Variants in VPS13D observed in about 807,000 individuals in gnomAD.
VPS13D encodes intermembrane lipid transfer protein VPS13D.
Under a neutral mutation model 461.9 loss-of-function variants are expected in VPS13D, and 187 were observed. The ratio of observed to expected loss-of-function variants is 0.40; its 90% CI spans 0.36 to 0.46. The LOEUF (loss-of-function observed/expected upper bound fraction) is 0.46. VPS13D is among the 20% of genes least tolerant of loss of function. The probability of loss-of-function intolerance (pLI) is 0.60; values close to 1 mark genes in which losing one functional copy is unlikely to be tolerated. For synonymous variants in VPS13D, 1,951 were observed against 1,986.3 expected, an observed-to-expected ratio of 0.98 and a Z score of 0.47; for missense variants, 4,711 against 5,364.9, an observed-to-expected ratio of 0.88 and a Z score of 3.81.
intron 65 of VPS13D, among the ~76,000 whole-genome samples, chr1:12,423,497 T>G (rs1644887854): frequency 6.6e-6 from 1 of 152,230 alleles, no homozygotes; most frequent in African/African-American, 2.4e-5. Context: ...ATAAGCAAGT[T>G]GAGACCGAGA....
chr1:12,333,200 A>C (rs374358337), intron 37 of VPS13D, 26 bp from the exon 38 acceptor site: 5 of 1,610,864 alleles, frequency 3.1e-6, no homozygotes, highest in Non-Finnish European at 4.2e-6. Context: ...TGCTGAACAG[A>C]TGTCTTATTT....
At chr1:12,358,702 C>A in intron 50 of VPS13D, 101 bp downstream of exon 50, 2 of 1,444,224 alleles carry the variant, frequency 1.4e-6, no homozygotes, top group Non-Finnish European at 9.3e-7. Context: ...ACTACAAGTA[C>A]TGATTTTCTT....
intron 24 of VPS13D, among the ~76,000 whole-genome samples, chr1:12,298,326 A>C (rs184380676): frequency 6.6e-6 from 1 of 152,192 alleles, no homozygotes; most frequent in Non-Finnish European, 1.5e-5. Flanking sequence ...CTCTCAGCCA[A>C]TAGACCACCT....
intron 65 of VPS13D, among the ~76,000 whole-genome samples, chr1:12,449,405 T>C (rs1489099158): frequency 6.6e-6 from 1 of 152,154 alleles, no homozygotes; most frequent in African/African-American, 2.4e-5. Flanking sequence ...TTTTTTTTTT[T>C]TTTAAATGCC....
At chr1:12,284,435 T>A (rs1019334464) in intron 21 of VPS13D, among the ~76,000 whole-genome samples, 4 of 152,238 alleles carry the variant, frequency 2.6e-5, no homozygotes, top group African/African-American at 9.6e-5. Context: ...ACCATACTTA[T>A]AACTTGTCCT....
intron 42 of VPS13D, among the ~76,000 whole-genome samples, chr1:12,344,484 G>A (rs555422744): frequency 6.6e-6 from 1 of 152,308 alleles, no homozygotes; most frequent in South Asian, 2.1e-4. Flanking sequence ...AGAGCAGTGA[G>A]CATTTTCCTG....
At chr1:12,270,874 C>T (rs530042021) in intron 16 of VPS13D, 120 bp from the exon 17 acceptor site, 52 of 1,332,292 alleles carry the variant, frequency 3.9e-5, no homozygotes, top group Non-Finnish European at 5.1e-5. Context: ...GCCACCATGC[C>T]CAGCCTGATT....
chr1:12,346,516 C>G (rs1010196056), intron 43 of VPS13D, 89 bp from the exon 44 acceptor site: 121 of 1,350,154 alleles, frequency 9.0e-5, no homozygotes, highest in Non-Finnish European at 1.2e-4. Flanking sequence ...ACAAACACGA[C>G]CCTTTGAAGA....
chr1:12,235,262 G>A (rs1640110346), intron 2 of VPS13D, among the ~76,000 whole-genome samples: 1 of 152,160 alleles, frequency 6.6e-6, no homozygotes, highest in Non-Finnish European at 1.5e-5. Flanking sequence ...TAGAGTACCG[G>A]TGGTTCACAT....
intron 60 of VPS13D, among the ~76,000 whole-genome samples, chr1:12,399,977 C>T (rs1644552692): frequency 6.6e-6 from 1 of 152,096 alleles, no homozygotes. Flanking sequence ...GAAAAGCACT[C>T]CCCTAATGAA....
intron 66 of VPS13D, among the ~76,000 whole-genome samples, chr1:12,459,897 A>C (rs1204009998): frequency 6.0e-5 from 9 of 151,022 alleles, no homozygotes; most frequent in Non-Finnish European, 1.2e-4. Context: ...TAGGCTGCCC[A>C]AGCTCTGGGA....
rs148876255 is a variant in VPS13D, at chr1:12,498,508, A to G, written c.12794+877A>G. Among the ~76,000 whole-genome samples, 4 of 152,298 alleles carry G rather than the reference A, an allele frequency of 2.6e-5. No homozygotes were observed. In the East Asian group the frequency reaches 7.7e-4, roughly 29 times the overall value. ...AATGGGGATATCAAAAGCCAACTCC[A>G]GAAGGTATTTGTTGCTTGCCGGATA... On this transcript the variant is annotated intron_variant, in intron 68 of 69. Transcript: ENST00000620676.
intron 64 of VPS13D, 33 bp downstream of exon 64, chr1:12,415,254 C>T (rs1425760331): frequency 3.7e-6 from 6 of 1,613,158 alleles, no homozygotes; most frequent in Middle Eastern, 1.6e-4. Flanking sequence ...TTGGCTGGAG[C>T]ATAAGCAGAA....
chr1:12,281,620 G>A (rs1641786500), intron 20 of VPS13D, among the ~76,000 whole-genome samples: 1 of 152,066 alleles, frequency 6.6e-6, no homozygotes, highest in South Asian at 2.1e-4. Flanking sequence ...TATATCAGGA[G>A]GCACATAATC....
At chr1:12,230,568 C>T (rs1639930038) in intron 1 of VPS13D, among the ~76,000 whole-genome samples, 1 of 152,130 alleles carries the variant, frequency 6.6e-6, no homozygotes, top group Non-Finnish European at 1.5e-5. Context: ...AGTGTGCGAG[C>T]CCCCCACATT....
intron 65 of VPS13D, among the ~76,000 whole-genome samples, chr1:12,444,359 G>A (rs927338170): frequency 1.2e-4 from 18 of 151,942 alleles, no homozygotes; most frequent in Non-Finnish European, 2.2e-4. Context: ...AATATGCCTC[G>A]ATATGATTCT....
rs1413291352 is a variant in VPS13D, at chr1:12,276,762, G to A, written c.3174G>A (p.Leu1058=). ...CCCACTTAACTGATGGAGCTACACTGAACGACCGATCAGCTACTAGTGTTT... is the reference window on the plus strand; with the variant it reads ...CCCACTTAACTGATGGAGCTACACTAAACGACCGATCAGCTACTAGTGTTT... ...NVAHLTDGAT[L]NDRSATSVSL... The change falls in exon 19 of 70, where the codon CTG becomes CTA. Residue 1058 remains leucine (L), a synonymous_variant. Transcript: ENST00000620676. The surrounding 1 kb of genome is among the most constrained non-coding windows in gnomAD (Gnocchi z 4.5). 1 of 1,614,164 alleles carries A rather than the reference G, an allele frequency of 6.2e-7. No individual in the cohort carries two copies. The highest frequency in any genetic ancestry group is 1.1e-5 in the South Asian group (1 of 91,076).
At chr1:12,416,459 T>G (rs1644795279) in intron 64 of VPS13D, among the ~76,000 whole-genome samples, 1 of 152,328 alleles carries the variant, frequency 6.6e-6, no homozygotes, top group South Asian at 2.1e-4. Flanking sequence ...GATATGTGTA[T>G]TGGGAGAAGC....
At position 12,329,871 on chromosome 1, in the gene VPS13D, A is replaced by G; in HGVS notation, c.8240A>G (p.Tyr2747Cys). The change falls in exon 37 of 70, where the codon TAT becomes TGT. Residue 2747 changes from tyrosine to cysteine, a missense_variant. Transcript: ENST00000620676. ...CGTGTAAGAACTAGCCCTGAAGGCT[A>G]TGCCCACTTCACCCTTTCTGGAGAT... ...LQRVRTSPEG[Y>C]AHFTLSGDYY... The G allele has an allele frequency of 6.2e-6, 10 of 1,614,156 alleles. No individual in the cohort carries two copies. The highest frequency in any genetic ancestry group is 8.5e-6 in the Non-Finnish European group (10 of 1,180,010).
Sources: allele counts gnomAD v4.1 joint callset (sites outside exome capture counted in the v4.1 genomes callset), GRCh38; gene constraint gnomAD v4.1.1; non-coding constraint Gnocchi (gnomAD v3.1); transcripts MANE v1.5; gene names NCBI Gene and HGNC (gene_info 2026-07-23, HGNC 2026-07-21).